Variants in CASR observed in about 807,000 individuals in gnomAD.
CASR encodes calcium sensing receptor.
In CASR, 23 loss-of-function variants were observed where a neutral mutation model predicts 69.1. The ratio of observed to expected loss-of-function variants is 0.33; its 90% CI spans 0.24 to 0.47. The LOEUF (loss-of-function observed/expected upper bound fraction) is 0.47, where lower values mean the gene tolerates loss of function less well. Ranked by LOEUF, CASR falls within the 20% of genes least tolerant of loss-of-function variation. The pLI is 1.00. For synonymous variants in CASR, 541 were observed against 544.7 expected, an observed-to-expected ratio of 0.99 and a Z score of 0.10; for missense variants, 924 against 1,356.1, an observed-to-expected ratio of 0.68 and a Z score of 5.00.
At chr3:122,194,298 T>A (rs770495218) in intron 1 of CASR, among the ~76,000 whole-genome samples, 1 of 152,174 alleles carries the variant, frequency 6.6e-6, no homozygotes, top group African/African-American at 2.4e-5. Context: ...ATTTGGTTTT[T>A]TTCACCAAGG....
intron 4 of CASR, among the ~76,000 whole-genome samples, chr3:122,270,130 C>T (rs2074742464): frequency 6.6e-6 from 1 of 152,174 alleles, no homozygotes; most frequent in South Asian, 2.1e-4. Flanking sequence ...GCATGAACCA[C>T]TGTCCATGGC....
At chr3:122,210,569 C>G (rs2074054314) in intron 1 of CASR, among the ~76,000 whole-genome samples, 1 of 152,186 alleles carries the variant, frequency 6.6e-6, no homozygotes, top group South Asian at 2.1e-4. Context: ...CTACAAACCA[C>G]TGCTCAAGGA....
In CASR at chr3:122,261,837, G is replaced by A. The variant is rs2074627507; in HGVS notation, c.802G>A (p.Val268Met). The A allele has an allele frequency of 1.9e-6, 3 of 1,614,236 alleles. No homozygotes were observed. Among genetic ancestry groups the A allele is most frequent in the Non-Finnish European group, 2.5e-6 (3 of 1,180,042 alleles). ...VIQNSTAKVIVVFSSGPDLEP... is the reference protein window; with the variant it reads ...VIQNSTAKVIMVFSSGPDLEP... Reference sequence around the variant, plus strand: ...TCAAAATTCCACGGCCAAAGTCATCGTGGTTTTCTCCAGTGGCCCAGATCT... The same window carrying A: ...TCAAAATTCCACGGCCAAAGTCATCATGGTTTTCTCCAGTGGCCCAGATCT... Residue 268 changes from valine to methionine, a missense_variant, in exon 4 of 7, where the codon GTG becomes ATG. By Grantham distance (21) the Val-to-Met change is conservative. Around this residue, in one of 8 missense-constraint regions of CASR, gnomAD observed 310 missense variants for 395.7 expected, o/e 0.78. Coordinates refer to ENST00000639785, the MANE Select transcript of CASR (RefSeq NM_000388.4).
At position 122,201,823 on chromosome 3, in the gene CASR, C is replaced by T. The variant is rs894630620; in HGVS notation, c.-243+18011C>T. 4.0e-5 allele frequency among the ~76,000 whole-genome samples: 6 copies of T among 151,098 alleles called. No homozygotes were observed. The East Asian group carries it at 5.9e-4, about 15-fold the overall frequency. ...TGCTCCCCACATCTCAGACGATGGG[C>T]GGCCGGGCAGAGACGCTCCTCACTT... On this transcript the variant is annotated intron_variant, in intron 1 of 6. Transcript: ENST00000639785.
At chr3:122,273,194 A>G (rs562977321) in intron 4 of CASR, among the ~76,000 whole-genome samples, 14 of 152,244 alleles carry the variant, frequency 9.2e-5, no homozygotes, top group Non-Finnish European at 2.1e-4. Flanking sequence ...AGGATGTATT[A>G]CTGACCTCTA....
At chr3:122,218,725 C>G (rs1463323441) in intron 1 of CASR, among the ~76,000 whole-genome samples, 2 of 152,146 alleles carry the variant, frequency 1.3e-5, no homozygotes, top group African/African-American at 4.8e-5. Context: ...ACAGAAAAGT[C>G]TCTGCCCTCA....
intron 1 of CASR, among the ~76,000 whole-genome samples, chr3:122,191,125 C>T (rs1004895855): frequency 6.6e-6 from 1 of 152,082 alleles, no homozygotes; most frequent in Non-Finnish European, 1.5e-5. Context: ...TACACTCAGT[C>T]AAGTTAAAAC....
intron 1 of CASR, among the ~76,000 whole-genome samples, chr3:122,222,052 C>T (rs1267747929): frequency 6.6e-6 from 1 of 152,230 alleles, no homozygotes; most frequent in Admixed American, 6.5e-5. Flanking sequence ...AGAGAACTGG[C>T]TGACAGCTTT....
chr3:122,260,425 G>T (rs1235891333), intron 3 of CASR, among the ~76,000 whole-genome samples: 1 of 152,208 alleles, frequency 6.6e-6, no homozygotes, highest in Admixed American at 6.5e-5. Context: ...TGTCAAGACA[G>T]CTTCTCCAGG....
At chr3:122,207,621 G>T (rs919187535) in intron 1 of CASR, among the ~76,000 whole-genome samples, 4 of 151,974 alleles carry the variant, frequency 2.6e-5, no homozygotes, top group African/African-American at 9.7e-5. Context: ...GTCTTGAAAT[G>T]AATGAAAATG....
At chr3:122,251,145 C>T (rs766888164) in intron 1 of CASR, among the ~76,000 whole-genome samples, 6 of 152,156 alleles carry the variant, frequency 3.9e-5, no homozygotes, top group Non-Finnish European at 8.8e-5. Context: ...GCTCAGCACA[C>T]TCTGCTAGGA....
At chr3:122,204,838 T>A (rs1454142068) in intron 1 of CASR, among the ~76,000 whole-genome samples, 1 of 152,216 alleles carries the variant, frequency 6.6e-6, no homozygotes, top group East Asian at 1.9e-4. Context: ...ATGTTGAGTA[T>A]TTTTTCATAT....
At chr3:122,203,899 C>T (rs547323280) in intron 1 of CASR, among the ~76,000 whole-genome samples, 13 of 152,234 alleles carry the variant, frequency 8.5e-5, no homozygotes, top group Middle Eastern at 3.4e-3. Flanking sequence ...TGTCTTTCAG[C>T]ATTTGAATTT....
rs11341423 is a variant in CASR, at chr3:122,277,048, CTTTTT to C, written c.1608+1020_1608+1024del. 1.3e-4 allele frequency among the ~76,000 whole-genome samples: 17 copies of C among 129,478 alleles called. No homozygotes were observed. In the East Asian group the frequency reaches 3.5e-3, roughly 26 times the overall value. 84.9% of individuals were successfully genotyped at this position (129,478 alleles called of 152,430 possible). A position where few individuals can be genotyped will look rare whatever the true frequency, so the allele number is the denominator to read the frequency against. On this transcript the variant is annotated intron_variant, in intron 5 of 6. Coordinates refer to ENST00000639785, the MANE Select transcript of CASR (RefSeq NM_000388.4). ...CCTTTGAGCATCTTGGACCACTTTT[CTTTTT>C]TTTTTTTTTTTTTGAGATGGGGTCT...
In CASR at chr3:122,284,723, A is replaced by G. The variant is rs199508670; in HGVS notation, c.2769A>G (p.Pro923=). ...GCAGCAAGAGCAACAGCGAAGACCC[A>G]TTCCCACAGCCCGAGAGGCAGAAGC... ...SISSKSNSED[P]FPQPERQKQQ... Residue 923 remains proline (P), a synonymous_variant, in exon 7 of 7, where the codon CCA becomes CCG. Coordinates refer to ENST00000639785, the MANE Select transcript of CASR (RefSeq NM_000388.4). 5.2e-5 allele frequency: 84 copies of G among 1,613,988 alleles called. No individual in the cohort carries two copies. The highest frequency in any genetic ancestry group is 1.6e-4 in the Middle Eastern group (1 of 6,084).
chr3:122,215,756 C>G (rs752231750), intron 1 of CASR, among the ~76,000 whole-genome samples: 4 of 152,194 alleles, frequency 2.6e-5, no homozygotes, highest in Middle Eastern at 3.2e-3. Context: ...AGCCGTGTGA[C>G]AAGATTTTGG....
intron 1 of CASR, among the ~76,000 whole-genome samples, chr3:122,241,471 G>C (rs995684942): frequency 3.9e-5 from 6 of 151,940 alleles, no homozygotes; most frequent in African/African-American, 1.4e-4. Flanking sequence ...CCTACCAAGA[G>C]TGAACCAACA....
chr3:122,245,213 A>G (rs1036084791), intron 1 of CASR, among the ~76,000 whole-genome samples: 6 of 152,198 alleles, frequency 3.9e-5, no homozygotes, highest in Admixed American at 1.3e-4. Context: ...GTTATACTCT[A>G]TTGTCTAGGG....
At chr3:122,199,914 GT>G (rs1181984720) in intron 1 of CASR, among the ~76,000 whole-genome samples, 1 of 151,872 alleles carries the variant, frequency 6.6e-6, no homozygotes, top group East Asian at 1.9e-4. Context: ...TTTGTTTTTT[GT>G]TTTGTTTTTG....
Sources: gnomAD v4.1 joint callset for allele counts (sites outside exome capture counted in the v4.1 genomes callset) on GRCh38, gnomAD v4.1.1 for gene constraint, gnomAD v4.1.1 regional missense constraint, MANE v1.5 for transcripts, NCBI Gene and HGNC (gene_info 2026-07-23, HGNC 2026-07-21) for gene names.